Variants in KCNH8 observed in about 807,000 individuals in gnomAD.
The protein encoded by KCNH8 is potassium voltage-gated channel subfamily H member 8, also known as voltage-gated delayed rectifier potassium channel KCNH8.
KCNH8 carries 70 observed loss-of-function variants against 103.6 expected under a neutral mutation model. The ratio of observed to expected loss-of-function variants is 0.68; its 90% CI spans 0.56 to 0.82. The LOEUF is 0.82. Among genes scored for constraint, KCNH8 ranks in the 40% least tolerant of loss-of-function variants. The pLI is 0.00. For missense variants in KCNH8, 1,217 were observed against 1,329.9 expected, an observed-to-expected ratio of 0.92 and a Z score of 1.32; for synonymous variants, 498 against 489.4, an observed-to-expected ratio of 1.02 and a Z score of -0.23.
chr3:19,236,636 A>T (rs543709494), intron 1 of KCNH8, among the ~76,000 whole-genome samples: 2 of 152,208 alleles, frequency 1.3e-5, no homozygotes, highest in Non-Finnish European at 2.9e-5. Flanking sequence ...GTAAAGGAAG[A>T]TGTGGTATAA....
At chr3:19,518,499 T>A (rs2125246114) in intron 15 of KCNH8, among the ~76,000 whole-genome samples, 1 of 152,176 alleles carries the variant, frequency 6.6e-6, no homozygotes, top group East Asian at 1.9e-4. Flanking sequence ...GCCTGAACTC[T>A]GTTCTTTCCT....
At chr3:19,258,905 TTCTCTCTCTCTCTCTCTC>T (rs755488116) in intron 2 of KCNH8, among the ~76,000 whole-genome samples, 18 of 43,066 alleles carry the variant, frequency 4.2e-4, no homozygotes, top group African/African-American at 1.0e-3. Flanking sequence ...TATTTTCTGT[TTCTCTCTCTCTCTCTCTC>T]TCTCTCTCTC....
intron 1 of KCNH8, among the ~76,000 whole-genome samples, chr3:19,170,632 A>G (rs897622718): frequency 2.8e-5 from 4 of 142,550 alleles, no homozygotes; most frequent in Middle Eastern, 3.6e-3. Flanking sequence ...ATATATATAT[A>G]CACACATATA....
At chr3:19,180,473 C>A (rs1030847986) in intron 1 of KCNH8, among the ~76,000 whole-genome samples, 3 of 152,164 alleles carry the variant, frequency 2.0e-5, no homozygotes, top group Admixed American at 2.0e-4. Context: ...AGGAATATTA[C>A]ACTTTTGGAG....
intron 7 of KCNH8, among the ~76,000 whole-genome samples, chr3:19,411,631 C>G (rs1250894986): frequency 6.6e-6 from 1 of 151,970 alleles, no homozygotes; most frequent in Non-Finnish European, 1.5e-5. Context: ...TGCCAAAAGA[C>G]TCCTGAAACT....
chr3:19,166,581 C>T (rs2063286096), intron 1 of KCNH8, among the ~76,000 whole-genome samples: 1 of 151,944 alleles, frequency 6.6e-6, no homozygotes, highest in Non-Finnish European at 1.5e-5. Flanking sequence ...GAAAAAAAAA[C>T]TCGCCTGCCT....
At chr3:19,474,064 G>A (rs2067918744) in intron 11 of KCNH8, among the ~76,000 whole-genome samples, 1 of 152,038 alleles carries the variant, frequency 6.6e-6, no homozygotes, top group African/African-American at 2.4e-5. Context: ...AGGCATGTGG[G>A]GCATTTCTTC....
At chr3:19,380,008 T>C (rs999275226) in intron 5 of KCNH8, among the ~76,000 whole-genome samples, 9 of 152,204 alleles carry the variant, frequency 5.9e-5, no homozygotes, top group African/African-American at 2.2e-4. Context: ...ATAGCTGTGT[T>C]TATATAAAGT....
chr3:19,416,800 C>T (rs1218797456), intron 7 of KCNH8, among the ~76,000 whole-genome samples: 1 of 152,166 alleles, frequency 6.6e-6, no homozygotes, highest in Non-Finnish European at 1.5e-5. Context: ...GCTTGCAATG[C>T]ACATGGCTGA....
intron 3 of KCNH8, among the ~76,000 whole-genome samples, chr3:19,309,682 A>G (rs189341617): frequency 6.6e-6 from 1 of 152,074 alleles, no homozygotes; most frequent in East Asian, 1.9e-4. Context: ...AGGGAAATGA[A>G]GGAAAGAATT....
chr3:19,495,300 G>T (rs1003727098), intron 11 of KCNH8, among the ~76,000 whole-genome samples: 3 of 152,116 alleles, frequency 2.0e-5, no homozygotes, highest in Non-Finnish European at 4.4e-5. Flanking sequence ...TATTGCCTAG[G>T]TTGTCTTCCA....
rs1046548366 is a variant in KCNH8 at position 19,534,825 on chromosome 3, A to C, written c.*726A>C. On this transcript the variant is annotated 3_prime_UTR_variant, in exon 16 of 16. Coordinates refer to ENST00000328405, the MANE Select transcript of KCNH8 (RefSeq NM_144633.3). ...ACTACTGTTGTGTATAGTAGATCAA[A>C]AATTATTTATTACTAAGAGGATGTA... 4.6e-5 allele frequency: 7 copies of C among 152,356 alleles called. No individual in the cohort carries two copies. The highest frequency in any genetic ancestry group is 1.7e-4 in the African/African-American group (7 of 41,452). The allele number at this position is 152,356 out of a possible 1,614,324, so 9.4% of individuals were successfully genotyped here.
At chr3:19,485,880 CT>C (rs2068196025) in intron 11 of KCNH8, among the ~76,000 whole-genome samples, 1 of 152,178 alleles carries the variant, frequency 6.6e-6, no homozygotes, top group African/African-American at 2.4e-5. Context: ...ATTTTATGTC[CT>C]TTCCCCCAGG....
intron 11 of KCNH8, among the ~76,000 whole-genome samples, chr3:19,492,584 G>T (rs1294656323): frequency 6.6e-6 from 1 of 152,108 alleles, no homozygotes; most frequent in East Asian, 1.9e-4. Context: ...GCCTTATGGT[G>T]TAGTTACAAG....
At chr3:19,213,480 T>C (rs1271690004) in intron 1 of KCNH8, among the ~76,000 whole-genome samples, 2 of 152,228 alleles carry the variant, frequency 1.3e-5, no homozygotes, top group Non-Finnish European at 2.9e-5. Flanking sequence ...TAGGCATTTC[T>C]GATTAATATC....
intron 1 of KCNH8, among the ~76,000 whole-genome samples, chr3:19,246,297 T>G (rs368578154): frequency 2.8e-5 from 4 of 140,578 alleles, no homozygotes; most frequent in African/African-American, 5.6e-5. Context: ...TTTTTTTTTT[T>G]GATGGAGTCT....
At chr3:19,433,428 AT>A (rs959728591) in intron 7 of KCNH8, among the ~76,000 whole-genome samples, 18 of 152,230 alleles carry the variant, frequency 1.2e-4, no homozygotes, top group African/African-American at 3.9e-4. Flanking sequence ...CTTTTAAAAA[AT>A]GTCAATCATT....
At chr3:19,532,175 T>C (rs911751200) in intron 15 of KCNH8, among the ~76,000 whole-genome samples, 1 of 152,234 alleles carries the variant, frequency 6.6e-6, no homozygotes, top group African/African-American at 2.4e-5. Flanking sequence ...AATGTTATTA[T>C]GTATTTTAAG....
intron 1 of KCNH8, among the ~76,000 whole-genome samples, chr3:19,252,181 TTCTC>T (rs1186557045): frequency 3.9e-5 from 6 of 152,178 alleles, no homozygotes; most frequent in Non-Finnish European, 5.9e-5. Context: ...TGCATCTTTT[TTCTC>T]TCTGTCGACA....
Sources: allele counts gnomAD v4.1 joint callset (sites outside exome capture counted in the v4.1 genomes callset), GRCh38; gene constraint gnomAD v4.1.1; transcripts MANE v1.5; gene names NCBI Gene and HGNC (gene_info 2026-07-23, HGNC 2026-07-21).